The following TLR4 variants were observed in gnomAD, a reference collection of about 807,000 sequenced individuals.
TLR4 encodes the protein toll like receptor 4.
Under a neutral mutation model 27.4 loss-of-function variants are expected in TLR4, and 17 were observed. That is an observed-to-expected ratio of 0.62 (90% confidence interval 0.42 to 0.93). The LOEUF (loss-of-function observed/expected upper bound fraction) is 0.93, where lower values mean the gene tolerates loss of function less well. TLR4 is among the 40% of genes least tolerant of loss of function. TLR4 has a pLI of 0.00. For missense variants in TLR4, 926 were observed against 962.3 expected, an observed-to-expected ratio of 0.96 and a Z score of 0.50; for synonymous variants, 363 against 365.7, an observed-to-expected ratio of 0.99 and a Z score of 0.08.
intron 1 of TLR4, among the ~76,000 whole-genome samples, chr9:117,705,121 A>G (rs1829115359): frequency 6.6e-6 from 1 of 151,522 alleles, no homozygotes; most frequent in Admixed American, 6.6e-5. Context: ...TGAAAAAGGA[A>G]AAGAGAGAGA....
rs1281869600 is a variant in TLR4 at position 117,723,111 on chromosome 9, G to C, written c.*8463G>C. On this transcript the variant is annotated 3_prime_UTR_variant, in exon 3 of 3. Coordinates refer to ENST00000355622, the MANE Select transcript of TLR4 (RefSeq NM_138554.5). The stretch of plus-strand genomic sequence containing the variant: ...ACATTCTAGCATGTTCACATCTCCA[G>C]GGCTGTTTCCTTACCTATAAATTGT... 6.6e-6 allele frequency: 1 copy of C among 152,118 alleles called. No homozygotes were observed. The highest frequency in any genetic ancestry group is 2.4e-5 in the African/African-American group (1 of 41,418). 9.4% of individuals were successfully genotyped at this position (152,118 alleles called of 1,614,324 possible). A position where few individuals can be genotyped will look rare whatever the true frequency, so the allele number is the denominator to read the frequency against.
chr9:117,713,899 C>T lies in TLR4; in HGVS notation c.1771C>T (p.Leu591=). Residue 591 remains leucine, a synonymous_variant, in exon 3 of 3, where the codon CTG becomes TTG. Coordinates refer to ENST00000355622, the MANE Select transcript of TLR4 (RefSeq NM_138554.5). ...FACTCEHQSF[L]QWIKDQRQLL... ...TTGTACTTGTGAACACCAGAGTTTC[C>T]TGCAATGGATCAAGGACCAGAGGCA... 1.2e-6 allele frequency: 2 copies of T among 1,613,952 alleles called. No individual in the cohort carries two copies. The highest frequency in any genetic ancestry group is 2.2e-5 in the South Asian group (2 of 91,072).
chr9:117,704,650 G>GTA, intron 1 of TLR4, 85 bp downstream of exon 1: 1 of 1,057,746 alleles, frequency 9.5e-7, no homozygotes. Context: ...GTTTATTTTT[G>GTA]CAAAAAAAAA....
In TLR4 at chr9:117,714,585, A is replaced by G. The variant is rs201274947; in HGVS notation, c.2457A>G (p.Lys819=). ...RRLRKALLDG[K]SWNPEGTVGT... is the part of the protein sequence containing the mutation. ...TCAGAAAAGCCCTGCTGGATGGTAA[A>G]TCATGGAATCCAGAAGGAACAGTGG... The change falls in exon 3 of 3, where the codon AAA becomes AAG. Residue 819 remains lysine (K), a synonymous_variant. Transcript: ENST00000355622. 1.5e-4 allele frequency: 247 copies of G among 1,613,670 alleles called. No homozygotes were observed. Among genetic ancestry groups the G allele is most frequent in the Non-Finnish European group, 1.9e-4 (221 of 1,179,992 alleles).
chr9:117,714,765 C>A lies in TLR4; in HGVS notation c.*117C>A. 1.2e-6 allele frequency: 1 copy of A among 856,656 alleles called. No individual in the cohort carries two copies. The highest frequency in any genetic ancestry group is 1.9e-6 in the Non-Finnish European group (1 of 525,388). The allele number at this position is 856,656 out of a possible 1,614,324, so 53.1% of individuals were successfully genotyped here. ...GGCCTTATGCTAAGGGTGAGTAATT[C>A]CATGGTGCACTAGATATGCAGGGCT... On this transcript the variant is annotated 3_prime_UTR_variant, in exon 3 of 3. Coordinates refer to ENST00000355622, the MANE Select transcript of TLR4 (RefSeq NM_138554.5).
intron 2 of TLR4, among the ~76,000 whole-genome samples, chr9:117,709,298 G>C (rs1829190947): frequency 6.6e-6 from 1 of 151,882 alleles, no homozygotes. Context: ...TCAGAAGAGG[G>C]GCCTTCTCTG....
rs1829319339 is a variant in TLR4 at position 117,715,045 on chromosome 9, T to A, written c.*397T>A. 1 of 218,302 alleles carries A rather than the reference T, an allele frequency of 4.6e-6. No homozygotes were observed. The highest frequency in any genetic ancestry group is 5.2e-5 in the Admixed American group (1 of 19,320). The allele number at this position is 218,302 out of a possible 1,614,324, so 13.5% of individuals were successfully genotyped here. On this transcript the variant is annotated 3_prime_UTR_variant, in exon 3 of 3. Coordinates refer to ENST00000355622, the MANE Select transcript of TLR4 (RefSeq NM_138554.5). ...TTTTGGTAGTTTTGACTGAACTGGG[T>A]GTTCACTTTTTCCTTTTTGATTGAA...
At position 117,714,307 on chromosome 9, in the gene TLR4, T is replaced by G. The variant is rs200923324; in HGVS notation, c.2179T>G (p.Phe727Val). ...TGCTGCCAACATCATCCATGAAGGT[T>G]TCCATAAAAGCCGAAAGGTGATTGT... is the stretch of plus-strand genomic sequence containing the variant. ...AIAANIIHEG[F>V]HKSRKVIVVV... Residue 727 changes from phenylalanine (F) to valine (V), a missense_variant, in exon 3 of 3, where the codon TTC becomes GTC. Coordinates refer to ENST00000355622, the MANE Select transcript of TLR4 (RefSeq NM_138554.5). 54 of 1,593,818 alleles carry G rather than the reference T, an allele frequency of 3.4e-5. No individual in the cohort carries two copies. The East Asian group carries it at 1.2e-3, about 35-fold the overall frequency.
In TLR4 at chr9:117,713,667, A is replaced by G. The variant is rs200026013; in HGVS notation, c.1539A>G (p.Pro513=). The change falls in exon 3 of 3, where the codon CCA becomes CCG. Residue 513 remains proline (P), a synonymous_variant. Coordinates refer to ENST00000355622, the MANE Select transcript of TLR4 (RefSeq NM_138554.5). ...LSQCQLEQLS[P]TAFNSLSSLQ... ...AGTGTCAACTGGAGCAGTTGTCTCC[A>G]ACAGCATTTAACTCACTCTCCAGTC... 1 of 1,614,052 alleles carries G rather than the reference A, an allele frequency of 6.2e-7. No individual in the cohort carries two copies. The highest frequency in any genetic ancestry group is 8.5e-7 in the Non-Finnish European group (1 of 1,180,012).
chr9:117,721,929 C>T lies in TLR4; in HGVS notation c.*7281C>T, dbSNP rs1014437250. On this transcript the variant is annotated 3_prime_UTR_variant, in exon 3 of 3. Coordinates refer to ENST00000355622, the MANE Select transcript of TLR4 (RefSeq NM_138554.5). ...CCACTAGATCAGACTCTTTGGGATA[C>T]TAGGATTGGCCTATTTGATGGTGAG... 1 of 152,172 alleles carries T rather than the reference C, an allele frequency of 6.6e-6. No individual in the cohort carries two copies. The highest frequency in any genetic ancestry group is 1.5e-5 in the Non-Finnish European group (1 of 68,034). The allele number at this position is 152,172 out of a possible 1,614,324, so 9.4% of individuals were successfully genotyped here.
chr9:117,705,610 T>TCCATCCCTGC (rs1354019517), intron 1 of TLR4, among the ~76,000 whole-genome samples: 1 of 152,202 alleles, frequency 6.6e-6, no homozygotes, highest in Admixed American at 6.5e-5. Flanking sequence ...CTGAAGCCTG[T>TCCATCCCTGC]CCATCCCTGC....
At position 117,704,470 on chromosome 9, in the gene TLR4, A is replaced by G. The variant is rs1265509550; in HGVS notation, c.-3A>G. On this transcript the variant is annotated 5_prime_UTR_variant, in exon 1 of 3. Transcript: ENST00000355622. Reference sequence around the variant, plus strand: ...TCACAGAAGCAGTGAGGATGATGCCAGGATGATGTCTGCCTCGCGCCTGGC... The same window carrying G: ...TCACAGAAGCAGTGAGGATGATGCCGGGATGATGTCTGCCTCGCGCCTGGC... 1.9e-6 allele frequency: 3 copies of G among 1,612,644 alleles called. No individual in the cohort carries two copies. Among genetic ancestry groups the G allele is most frequent in the Non-Finnish European group, 1.7e-6 (2 of 1,179,828 alleles).
At position 117,713,157 on chromosome 9, in the gene TLR4, A is replaced by G; in HGVS notation, c.1029A>G (p.Gly343=). 1 of 1,613,746 alleles carries G rather than the reference A, an allele frequency of 6.2e-7. No individual in the cohort carries two copies. The highest frequency in any genetic ancestry group is 8.5e-7 in the Non-Finnish European group (1 of 1,179,830). Residue 343 remains glycine, a synonymous_variant, in exon 3 of 3, where the codon GGA becomes GGG. Transcript: ENST00000355622. ...QHLELVNCKF[G]QFPTLKLKSL... Reference sequence around the variant, plus strand: ...TAGAATTAGTTAACTGTAAATTTGGACAGTTTCCCACATTGAAACTCAAAT... The same window carrying G: ...TAGAATTAGTTAACTGTAAATTTGGGCAGTTTCCCACATTGAAACTCAAAT...
In TLR4 at chr9:117,715,596, C is replaced by T. The variant is rs1425026778; in HGVS notation, c.*948C>T. The T allele has an allele frequency of 6.6e-6, 1 of 152,154 alleles. No individual in the cohort carries two copies. The highest frequency in any genetic ancestry group is 1.5e-5 in the Non-Finnish European group (1 of 68,026). 9.4% of individuals were successfully genotyped at this position (152,154 alleles called of 1,614,324 possible). The stretch of plus-strand genomic sequence containing the variant: ...GAAGTGGGATGACCTCAGGAGGTCA[C>T]CTTTTCTTGATTCCAGAAACATATG... On this transcript the variant is annotated 3_prime_UTR_variant, in exon 3 of 3. Coordinates refer to ENST00000355622, the MANE Select transcript of TLR4 (RefSeq NM_138554.5).
intron 1 of TLR4, chr9:117,708,322 A>G: frequency 3.1e-6 from 4 of 1,308,134 alleles, no homozygotes; most frequent in Non-Finnish European, 3.9e-6. Context: ...CACGGAGGTT[A>G]GAATGCTGAG....
At position 117,719,353 on chromosome 9, in the gene TLR4, T is replaced by C. The variant is rs578174447; in HGVS notation, c.*4705T>C. 4.6e-5 allele frequency: 7 copies of C among 152,284 alleles called. No individual in the cohort carries two copies. The highest frequency in any genetic ancestry group is 1.2e-4 in the African/African-American group (5 of 41,552). 9.4% of individuals were successfully genotyped at this position (152,284 alleles called of 1,614,324 possible). A position where few individuals can be genotyped will look rare whatever the true frequency, so the allele number is the denominator to read the frequency against. On this transcript the variant is annotated 3_prime_UTR_variant, in exon 3 of 3. Coordinates refer to ENST00000355622, the MANE Select transcript of TLR4 (RefSeq NM_138554.5). ...TCATGTGTCCACTGTCACCTGCTCA[T>C]TGGTGGCAGCACTGAGATTAGGATC...
At chr9:117,710,868 A>C (rs1457345738) in intron 2 of TLR4, among the ~76,000 whole-genome samples, 1 of 152,106 alleles carries the variant, frequency 6.6e-6, no homozygotes, top group Non-Finnish European at 1.5e-5. Context: ...CCAGAATCCA[A>C]CTTAAATGTT....
At position 117,719,380 on chromosome 9, in the gene TLR4, A is replaced by G. The variant is rs999176694; in HGVS notation, c.*4732A>G. ...GGTGGCAGCACTGAGATTAGGATCT[A>G]AGTCCACTTCACCGCAGAAGCAGGG... On this transcript the variant is annotated 3_prime_UTR_variant, in exon 3 of 3. Transcript: ENST00000355622. The G allele has an allele frequency of 2.0e-5, 3 of 152,174 alleles. No homozygotes were observed. The highest frequency in any genetic ancestry group is 7.2e-5 in the African/African-American group (3 of 41,448). 9.4% of individuals were successfully genotyped at this position (152,174 alleles called of 1,614,324 possible). A position where few individuals can be genotyped will look rare whatever the true frequency, so the allele number is the denominator to read the frequency against.
intron 1 of TLR4, among the ~76,000 whole-genome samples, chr9:117,706,589 C>A (rs1049131208): frequency 6.6e-6 from 1 of 152,200 alleles, no homozygotes; most frequent in Non-Finnish European, 1.5e-5. Flanking sequence ...CCACTCCCAC[C>A]ACTCACCAGC....
Sources: gnomAD v4.1 joint callset for allele counts (sites outside exome capture counted in the v4.1 genomes callset) on GRCh38, gnomAD v4.1.1 for gene constraint, MANE v1.5 for transcripts, NCBI Gene and HGNC (gene_info 2026-07-23, HGNC 2026-07-21) for gene names.